STRBP: variants seen among roughly 807,000 people sequenced by gnomAD.
STRBP encodes spermatid perinuclear RNA-binding protein.
In STRBP, 13 loss-of-function variants were observed where a neutral mutation model predicts 80.1. The ratio of observed to expected loss-of-function variants is 0.16; its 90% CI spans 0.11 to 0.26. The LOEUF is 0.26. Among genes scored for constraint, STRBP ranks in the 10% least tolerant of loss-of-function variants. The pLI is 1.00. For synonymous variants in STRBP, 284 were observed against 291.2 expected (o/e 0.98, Z 0.25); for missense variants, 485 against 815.2 (o/e 0.59, Z 4.93).
chr9:123,122,789 T>C lies in STRBP; in HGVS notation c.*2808A>G, dbSNP rs1032408061. 7 of 990,558 alleles carry C rather than the reference T, an allele frequency of 7.1e-6. No homozygotes were observed. The African/African-American group carries it at 1.2e-4, about 17-fold the overall frequency. 61.4% of individuals were successfully genotyped at this position (990,558 alleles called of 1,614,324 possible). The stretch of plus-strand genomic sequence containing the variant: ...ACTGACGCAGTCAGGAATGTAACTA[T>C]TTATGTGCTAAAAAGTGTAAAAAAC... On this transcript the variant is annotated 3_prime_UTR_variant, in exon 19 of 19. Transcript: ENST00000348403.
chr9:123,195,662 G>GA (rs1394957164), intron 2 of STRBP, among the ~76,000 whole-genome samples: 1 of 152,066 alleles, frequency 6.6e-6, no homozygotes, highest in Admixed American at 6.6e-5. Flanking sequence ...TCTCTACAAT[G>GA]AAAACTATAA....
intron 2 of STRBP, among the ~76,000 whole-genome samples, chr9:123,217,251 G>A (rs1270665683): frequency 6.6e-6 from 1 of 152,040 alleles, no homozygotes; most frequent in African/African-American, 2.4e-5. Flanking sequence ...TCAAAACAAA[G>A]TTACTCAAAA....
At chr9:123,215,700 G>A (rs1369127394) in intron 2 of STRBP, among the ~76,000 whole-genome samples, 1 of 152,134 alleles carries the variant, frequency 6.6e-6, no homozygotes, top group Admixed American at 6.5e-5. Flanking sequence ...CAGGAGAATC[G>A]TTTGAACCCA....
chr9:123,110,990 C>T lies in STRBP; in HGVS notation c.*85-1237G>A, dbSNP rs932047663. ...GGCCGGCCTGACCATGAAAAGTGAT[C>T]GGGGGTAAGTAGAGGGATGCGTCTA... On this transcript the variant is annotated intron_variant and NMD_transcript_variant, in intron 3 of 3. Transcript: ENST00000471564. This position sits in a 1 kb window ranked among gnomAD's most constrained non-coding sequence, Gnocchi z 4.1. 3 of 167,842 alleles carry T rather than the reference C, an allele frequency of 1.8e-5. No homozygotes were observed. The highest frequency in any genetic ancestry group is 1.3e-3 in the Middle Eastern group (1 of 758). 10.4% of individuals were successfully genotyped at this position (167,842 alleles called of 1,614,324 possible).
intron 6 of STRBP, among the ~76,000 whole-genome samples, chr9:123,167,888 G>A (rs759767109): frequency 6.6e-6 from 1 of 151,982 alleles, no homozygotes; most frequent in African/African-American, 2.4e-5. Flanking sequence ...CTAAACAGAA[G>A]TTAAAGTTAT....
At chr9:123,226,119 A>C (rs937834080) in intron 2 of STRBP, among the ~76,000 whole-genome samples, 2 of 152,218 alleles carry the variant, frequency 1.3e-5, no homozygotes, top group African/African-American at 4.8e-5. Flanking sequence ...TGATACATGC[A>C]ATTACACAGA....
rs184767581 is a variant in STRBP at position 123,219,143 on chromosome 9, G to A, written c.-165+17687C>T. 3.3e-3 allele frequency among the ~76,000 whole-genome samples: 499 copies of A among 152,086 alleles called. 2 individuals carry two copies. Among genetic ancestry groups the A allele is most frequent in the Non-Finnish European group, 4.2e-3 (286 of 67,986 alleles). On this transcript the variant is annotated intron_variant, in intron 2 of 18. Coordinates refer to ENST00000348403, the MANE Select transcript of STRBP (RefSeq NM_018387.5). ...AGGGCTCCCTATGCCCTAAAAGACA[G>A]AGAACAGGAGTTTGCAATCTCCATA...
intron 14 of STRBP, among the ~76,000 whole-genome samples, chr9:123,137,408 T>TTTGTTGTTG (rs149319491): frequency 2.0e-5 from 3 of 151,914 alleles, no homozygotes; most frequent in African/African-American, 7.3e-5. Flanking sequence ...GTTTTTTTTG[T>TTTGTTGTTG]TTGTTGTTGT....
At chr9:123,255,428 ATCTGTTT>A (rs1194767612) in intron 1 of STRBP, among the ~76,000 whole-genome samples, 8 of 152,202 alleles carry the variant, frequency 5.3e-5, no homozygotes, top group Non-Finnish European at 1.0e-4. Flanking sequence ...TCAACTGCTC[ATCTGTTT>A]TCTTCAAAGA....
chr9:123,162,196 T>C (rs2037549762), intron 6 of STRBP, among the ~76,000 whole-genome samples: 1 of 151,852 alleles, frequency 6.6e-6, no homozygotes, highest in East Asian at 1.9e-4. Flanking sequence ...GAGGATCCTA[T>C]TACAACAATC....
At chr9:123,188,579 T>G (rs1356269140) in intron 2 of STRBP, among the ~76,000 whole-genome samples, 1 of 152,078 alleles carries the variant, frequency 6.6e-6, no homozygotes, top group Non-Finnish European at 1.5e-5. Context: ...GAGGCGAAGC[T>G]TGCAGTGAGC....
intron 2 of STRBP, chr9:123,212,672 A>G (rs1180075323): frequency 6.6e-6 from 1 of 152,258 alleles, no homozygotes; most frequent in Non-Finnish European, 1.5e-5. Flanking sequence ...TAAGCAGGAT[A>G]AGAACATTGA....
At chr9:123,179,501 C>T (rs1405205838) in intron 3 of STRBP, among the ~76,000 whole-genome samples, 1 of 152,150 alleles carries the variant, frequency 6.6e-6, no homozygotes, top group Non-Finnish European at 1.5e-5. Context: ...CCTGGCCAGG[C>T]ACGGGGGCAC....
At chr9:123,120,146 C>A (rs2035707856), downstream of STRBP, among the ~76,000 whole-genome samples, 2 of 152,062 alleles carry the variant, frequency 1.3e-5, no homozygotes, top group South Asian at 4.1e-4. Context: ...GAGAGAAACA[C>A]ATCAATATTG....
chr9:123,134,792 GA>G lies in STRBP; in HGVS notation c.1773+1248del, dbSNP rs1484852797. Among the ~76,000 whole-genome samples the G allele has an allele frequency of 3.3e-5, 5 of 152,070 alleles. No homozygotes were observed. The South Asian group carries it at 1.0e-3, about 32-fold the overall frequency. On this transcript the variant is annotated intron_variant, in intron 16 of 18. Coordinates refer to ENST00000348403, the MANE Select transcript of STRBP (RefSeq NM_018387.5). ...TGACCAAACATAAGATGTAATATGG[GA>G]AAAAACACCATAAAACAAGCTCATA...
At chr9:123,219,103 C>T (rs1203330616) in intron 2 of STRBP, among the ~76,000 whole-genome samples, 1 of 152,162 alleles carries the variant, frequency 6.6e-6, no homozygotes, top group Non-Finnish European at 1.5e-5. Flanking sequence ...CACCCCGTCC[C>T]TAAACCATTC....
intron 2 of STRBP, among the ~76,000 whole-genome samples, chr9:123,225,476 T>C (rs1002043445): frequency 2.0e-5 from 3 of 152,206 alleles, no homozygotes. Flanking sequence ...GCCCCACATC[T>C]GAATCCTCTT....
At chr9:123,119,831 G>C (rs528903541), downstream of STRBP, among the ~76,000 whole-genome samples, 2 of 152,316 alleles carry the variant, frequency 1.3e-5, no homozygotes, top group South Asian at 4.1e-4. Context: ...TGGAAGGAGA[G>C]AAATTCTTTG....
chr9:123,116,764 A>G (rs889183339), downstream of STRBP, among the ~76,000 whole-genome samples: 4 of 152,340 alleles, frequency 2.6e-5, no homozygotes, highest in Non-Finnish European at 4.4e-5. Flanking sequence ...ACCTGCACAC[A>G]GCATAGCCTC....
Sources: gnomAD v4.1 joint callset for allele counts (sites outside exome capture counted in the v4.1 genomes callset) on GRCh38, gnomAD v4.1.1 for gene constraint, Gnocchi (gnomAD v3.1) non-coding constraint, MANE v1.5 for transcripts, NCBI Gene and HGNC (gene_info 2026-07-23, HGNC 2026-07-21) for gene names.